The following ARSD variants were observed in gnomAD, a reference collection of about 807,000 sequenced individuals.
ARSD encodes arylsulfatase D, also known as testis tissue sperm-binding protein Li 39a.
Under a neutral mutation model 32.6 loss-of-function variants are expected in ARSD, and 21 were observed. That is an observed-to-expected ratio of 0.64 (90% CI 0.46 to 0.93). The LOEUF is 0.93. ARSD is among the 40% of genes least tolerant of loss of function. The pLI is 0.00. For missense variants in ARSD, 454 were observed against 520.9 expected, an observed-to-expected ratio of 0.87 and a Z score of 1.25; for synonymous variants, 224 against 237.4, an observed-to-expected ratio of 0.94 and a Z score of 0.52.
At position 2,918,543 on chromosome X, in the gene ARSD, A is replaced by G. The variant is rs113057973; in HGVS notation, c.440-316T>C. 1.4e-4 allele frequency among the ~76,000 whole-genome samples: 16 copies of G among 110,657 alleles called. No individual in the cohort carries two copies. In the South Asian group the frequency reaches 1.5e-3, roughly 11 times the overall value. On this transcript the variant is annotated intron_variant, in intron 4 of 9. Transcript: ENST00000381154. Reference sequence around the variant, plus strand: ...AGGCGGGCGGATCACGAGGTCAGGAAATCGAGACCATCCTGGCTAACACGG... The same window carrying G: ...AGGCGGGCGGATCACGAGGTCAGGAGATCGAGACCATCCTGGCTAACACGG...
At chrX:2,908,614 CCATCCATCCATCCATT>C (rs2088875313) in intron 9 of ARSD, 91 bp downstream of exon 9, 3 of 818,888 alleles carry the variant, frequency 3.7e-6, no homozygotes, top group South Asian at 2.8e-5. Flanking sequence ...ATCCACCCAT[CCATCCATCCATCCATT>C]CATCCATCCA....
At chrX:2,927,090 G>A (rs1172994158) in intron 1 of ARSD, among the ~76,000 whole-genome samples, 7 of 109,791 alleles carry the variant, frequency 6.4e-5, no homozygotes, top group Admixed American at 1.9e-4. Flanking sequence ...GGCAATGGCC[G>A]CGGAAGGGGA....
In ARSD at chrX:2,929,150, C is replaced by A. The variant is rs1239444939; in HGVS notation, c.44+82G>T. The A allele has an allele frequency of 1.1e-5, 10 of 894,971 alleles. No individual in the cohort carries two copies. The African/African-American group carries it at 2.1e-4, about 19-fold the overall frequency. The allele number at this position is 894,971 out of a possible 1,213,427, so 73.8% of individuals were successfully genotyped here. ...TACAGGGGCCCAGGCTCGCCCGGGG[C>A]GCCCCTCGCCGTGCTCGCGACCCCC... On this transcript the variant is annotated intron_variant, in intron 1 of 9. Coordinates refer to ENST00000381154, the MANE Select transcript of ARSD (RefSeq NM_001669.4).
In ARSD at chrX:2,907,411, C is replaced by G. The variant is rs374592639; in HGVS notation, c.1642G>C (p.Val548Leu). 2.1e-5 allele frequency: 26 copies of G among 1,210,707 alleles called. No homozygotes were observed. Among genetic ancestry groups the G allele is most frequent in the Non-Finnish European group, 2.8e-5 (25 of 895,373 alleles). Residue 548 changes from valine to leucine, a missense_variant, in exon 10 of 10, where the codon GTG (valine) becomes CTG (leucine). Around this residue, in one of 3 missense-constraint regions of ARSD, gnomAD observed 179 missense variants for 198.5 expected, o/e 0.90. Coordinates refer to ENST00000381154, the MANE Select transcript of ARSD (RefSeq NM_001669.4). ...CTCAGGGTCTGCCGATGCTCCGACA[C>G]CGCGGCACCTACCCTTGCTATCACG... is the stretch of plus-strand genomic sequence containing the variant. ...HAVIARVGAA[V>L]SEHRQTLSPV...
chrX:2,926,290 G>A (rs1346772217), intron 1 of ARSD, among the ~76,000 whole-genome samples: 1 of 111,559 alleles, frequency 9.0e-6, no homozygotes, highest in African/African-American at 3.3e-5. Flanking sequence ...AGAGTTCTGG[G>A]GAGTTCCTTT....
At chrX:2,907,821 C>T (rs1238479613) in intron 9 of ARSD, 189 bp from the exon 10 acceptor site, 16 of 981,866 alleles carry the variant, frequency 1.6e-5, no homozygotes, top group Non-Finnish European at 1.9e-5. Context: ...TGCGCGCGTG[C>T]GCCCATGTGT....
chrX:2,918,352 G>C (rs1164121949), intron 4 of ARSD, 125 bp from the exon 5 acceptor site: 16 of 646,430 alleles, frequency 2.5e-5, no homozygotes, highest in Non-Finnish European at 6.9e-6. Flanking sequence ...ACTGGAAATG[G>C]AAAGGCAATG....
chrX:2,918,378 T>C, intron 4 of ARSD, 151 bp from the exon 5 acceptor site: 1 of 517,966 alleles, frequency 1.9e-6, no homozygotes, highest in Non-Finnish European at 3.1e-6. Context: ...ATTGGATACC[T>C]GTGTTTAAAT....
At chrX:2,928,667 C>T (rs1161209118) in intron 1 of ARSD, among the ~76,000 whole-genome samples, 1 of 38,105 alleles carries the variant, frequency 2.6e-5, no homozygotes, top group East Asian at 2.0e-3. Context: ...TGGAAGGCAT[C>T]GAGCTGGGGG....
intron 1 of ARSD, among the ~76,000 whole-genome samples, chrX:2,926,804 C>CT (rs977818866): frequency 7.2e-5 from 8 of 110,801 alleles, no homozygotes; most frequent in African/African-American, 2.3e-4. Flanking sequence ...TCTTTTTTTT[C>CT]TTTTTTTTGA....
At chrX:2,920,366 C>CTTTTTTTTTTTTTTTTTTTT in intron 4 of ARSD, 2 of 321,784 alleles carry the variant, frequency 6.2e-6, no homozygotes, top group South Asian at 4.6e-5. Flanking sequence ...AAAACGGGAT[C>CTTTTTTTTTTTTTTTTTTTT]TTTTTTTTTT....
At chrX:2,926,393 T>C (rs1044736020) in intron 1 of ARSD, among the ~76,000 whole-genome samples, 6 of 112,106 alleles carry the variant, frequency 5.4e-5, no homozygotes, top group Non-Finnish European at 9.4e-5. Context: ...TGTTAAGAAT[T>C]CCTTCGTTAT....
intron 8 of ARSD, among the ~76,000 whole-genome samples, chrX:2,909,205 T>A (rs1403907523): frequency 1.8e-5 from 2 of 109,253 alleles, no homozygotes; most frequent in African/African-American, 3.4e-5. Flanking sequence ...TTTTTTTTTT[T>A]ATGAGGCAGA....
rs1290227697 is a variant in ARSD at position 2,904,521 on chromosome X, T to G, written c.*2750A>C. The G allele has an allele frequency of 8.9e-6, 1 of 112,407 alleles. No homozygotes were observed. The highest frequency in any genetic ancestry group is 3.3e-5 in the African/African-American group (1 of 30,727). The allele number at this position is 112,407 out of a possible 1,213,427, so 9.3% of individuals were successfully genotyped here. ...CAACTGAAGCTGGTTCATGGCTCTC[T>G]TCTTCAGGTGGAGACTAACCAACTC... On this transcript the variant is annotated 3_prime_UTR_variant, in exon 10 of 10. Coordinates refer to ENST00000381154, the MANE Select transcript of ARSD (RefSeq NM_001669.4).
intron 6 of ARSD, 74 bp downstream of exon 6, chrX:2,915,482 T>C: frequency 8.5e-7 from 1 of 1,179,134 alleles, no homozygotes; most frequent in East Asian, 3.0e-5. Flanking sequence ...CATATTCAGA[T>C]GGCCAGTCTG....
chrX:2,910,313 GTAT>G (rs983786730), intron 7 of ARSD, among the ~76,000 whole-genome samples: 32 of 85,442 alleles, frequency 3.7e-4, no homozygotes, highest in South Asian at 3.0e-3. Context: ...TTTAAAATAT[GTAT>G]TATTATGCAT....
intron 3 of ARSD, 73 bp downstream of exon 3, chrX:2,921,830 A>T: frequency 8.8e-7 from 1 of 1,135,943 alleles, no homozygotes; most frequent in Non-Finnish European, 1.2e-6. Context: ...CACCATCAGT[A>T]CTCAACTGTT....
chrX:2,927,908 A>AG (rs1158039475), intron 1 of ARSD, among the ~76,000 whole-genome samples: 13 of 111,856 alleles, frequency 1.2e-4, no homozygotes, highest in Non-Finnish European at 2.4e-4. Flanking sequence ...GGAAACTTCT[A>AG]GGGGGTATTT....
intron 6 of ARSD, among the ~76,000 whole-genome samples, chrX:2,911,352 G>T (rs2088899297): frequency 9.1e-6 from 1 of 109,331 alleles, no homozygotes; most frequent in African/African-American, 3.3e-5. Flanking sequence ...CAGCGAGGGT[G>T]ACAGAGTGAG....
Sources: gnomAD v4.1 joint callset for allele counts (sites outside exome capture counted in the v4.1 genomes callset) on GRCh38, gnomAD v4.1.1 for gene constraint, gnomAD v4.1.1 regional missense constraint, MANE v1.5 for transcripts, NCBI Gene and HGNC (gene_info 2026-07-23, HGNC 2026-07-21) for gene names.